SUGCT: variants seen among roughly 807,000 people sequenced by gnomAD.
The protein encoded by SUGCT is succinyl-CoA:glutarate CoA-transferase.
A neutral mutation model predicts 55.0 loss-of-function variants in SUGCT; 41 were observed. The ratio of observed to expected loss-of-function variants is 0.74; its 90% CI spans 0.58 to 0.97. The LOEUF (loss-of-function observed/expected upper bound fraction) is 0.97, where lower values mean the gene tolerates loss of function less well. Among genes scored for constraint, SUGCT ranks in the 50% least tolerant of loss-of-function variants. SUGCT has a pLI of 0.00. For missense variants in SUGCT, 568 were observed against 547.8 expected, an observed-to-expected ratio of 1.04 and a Z score of -0.37; for synonymous variants, 187 against 200.4, an observed-to-expected ratio of 0.93 and a Z score of 0.56.
At chr7:40,704,615 C>G (rs1328012094) in intron 12 of SUGCT, among the ~76,000 whole-genome samples, 1 of 152,084 alleles carries the variant, frequency 6.6e-6, no homozygotes, top group East Asian at 1.9e-4. Context: ...GCAATCTGTC[C>G]AAGGATGAGT....
intron 6 of SUGCT, among the ~76,000 whole-genome samples, chr7:40,211,441 C>G (rs1787329988): frequency 6.6e-6 from 1 of 152,186 alleles, no homozygotes; most frequent in Non-Finnish European, 1.5e-5. Context: ...TCTTGAACTC[C>G]TGGCCTCAAG....
chr7:40,157,474 ACT>A (rs1229243125), intron 1 of SUGCT, among the ~76,000 whole-genome samples: 2 of 152,082 alleles, frequency 1.3e-5, no homozygotes, highest in Non-Finnish European at 2.9e-5. Context: ...AGTAATAATA[ACT>A]CTGATCTCTG....
intron 12 of SUGCT, among the ~76,000 whole-genome samples, chr7:40,609,511 A>G (rs1404470623): frequency 6.6e-6 from 1 of 151,314 alleles, no homozygotes; most frequent in Non-Finnish European, 1.5e-5. Context: ...AGCTTACAGT[A>G]AGCAGATTGC....
At chr7:40,936,719 T>C in the SUGCT span, among the ~76,000 whole-genome samples, 7 of 152,142 alleles carry the variant, frequency 4.6e-5, no homozygotes, top group Non-Finnish European at 7.4e-5. Flanking sequence ...TCTTTTTCTA[T>C]ATAAGCTTTC....
At chr7:40,829,602 A>G (rs1304237191) in intron 13 of SUGCT, among the ~76,000 whole-genome samples, 6 of 152,218 alleles carry the variant, frequency 3.9e-5, no homozygotes, top group African/African-American at 1.2e-4. Flanking sequence ...AAAAAAAAGG[A>G]CACAAAGAAT....
At chr7:40,204,026 T>G (rs566394683) in intron 6 of SUGCT, among the ~76,000 whole-genome samples, 57 of 152,180 alleles carry the variant, frequency 3.7e-4, no homozygotes, top group South Asian at 3.5e-3. Flanking sequence ...TCTCACTTAG[T>G]CACCTAGGCT....
intron 7 of SUGCT, among the ~76,000 whole-genome samples, chr7:40,268,830 G>A (rs1791793547): frequency 6.6e-6 from 1 of 151,992 alleles, no homozygotes; most frequent in South Asian, 2.1e-4. Flanking sequence ...GGGGAGATGG[G>A]GTTTCACCAT....
intron 13 of SUGCT, among the ~76,000 whole-genome samples, chr7:40,842,828 A>G (rs1793343866): frequency 6.6e-6 from 1 of 152,204 alleles, no homozygotes; most frequent in Admixed American, 6.5e-5. Flanking sequence ...AAGTTGCACA[A>G]TTCTGTAAAG....
chr7:40,837,373 G>A (rs572439852), intron 13 of SUGCT, among the ~76,000 whole-genome samples: 59 of 152,174 alleles, frequency 3.9e-4, no homozygotes, highest in African/African-American at 1.3e-3. Context: ...CTTCAAATTT[G>A]TAGCTTGTCT....
At chr7:40,579,263 C>T (rs932366362) in intron 12 of SUGCT, among the ~76,000 whole-genome samples, 1 of 152,196 alleles carries the variant, frequency 6.6e-6, no homozygotes, top group African/African-American at 2.4e-5. Flanking sequence ...TTACCAGCAT[C>T]ATGTTTCCAT....
At chr7:40,640,722 G>A (rs187641339) in intron 12 of SUGCT, among the ~76,000 whole-genome samples, 41 of 152,246 alleles carry the variant, frequency 2.7e-4, no homozygotes, top group Middle Eastern at 3.4e-3. Context: ...AAGTAGTACC[G>A]AAACTGTTTT....
chr7:40,733,417 A>C (rs1384749413), intron 12 of SUGCT, among the ~76,000 whole-genome samples: 1 of 152,176 alleles, frequency 6.6e-6, no homozygotes, highest in Admixed American at 6.5e-5. Context: ...GCCTAGAGCA[A>C]ACATGCATCT....
chr7:40,142,395 C>T (rs1788034138), intron 1 of SUGCT, among the ~76,000 whole-genome samples: 2 of 152,154 alleles, frequency 1.3e-5, no homozygotes, highest in Non-Finnish European at 2.9e-5. Flanking sequence ...ACTTCTTTAA[C>T]ATGTCTTGGC....
chr7:40,255,610 G>A (rs894536103), intron 7 of SUGCT, among the ~76,000 whole-genome samples: 3 of 130,380 alleles, frequency 2.3e-5, no homozygotes, highest in Middle Eastern at 0.01. Context: ...GCAGTGAGCC[G>A]AGATCACGCC....
chr7:40,926,677 A>G, the SUGCT span, among the ~76,000 whole-genome samples: 2 of 152,168 alleles, frequency 1.3e-5, no homozygotes, highest in Non-Finnish European at 2.9e-5. Flanking sequence ...TGTCTCTACC[A>G]TGTGAACAAA....
intron 9 of SUGCT, among the ~76,000 whole-genome samples, chr7:40,443,762 A>G (rs972901335): frequency 1.3e-5 from 2 of 152,100 alleles, no homozygotes; most frequent in East Asian, 1.9e-4. Flanking sequence ...TTTTGTTGCC[A>G]TTGCTTTTAA....
the SUGCT span, among the ~76,000 whole-genome samples, chr7:40,898,723 C>G: frequency 6.6e-6 from 1 of 151,898 alleles, no homozygotes; most frequent in Non-Finnish European, 1.5e-5. Context: ...ACACTTACCA[C>G]GAGGGTACGC....
intron 13 of SUGCT, among the ~76,000 whole-genome samples, chr7:40,762,079 C>T (rs1338017160): frequency 6.6e-6 from 1 of 152,136 alleles, no homozygotes; most frequent in African/African-American, 2.4e-5. Flanking sequence ...CTTCATTTGA[C>T]AAGGAAAGGC....
intron 8 of SUGCT, among the ~76,000 whole-genome samples, chr7:40,281,506 A>G (rs1792949040): frequency 6.6e-6 from 1 of 152,198 alleles, no homozygotes; most frequent in South Asian, 2.1e-4. Context: ...GTTGAGGTAC[A>G]TTCCTTCTAT....
Sources: allele counts gnomAD v4.1 joint callset (sites outside exome capture counted in the v4.1 genomes callset), GRCh38; gene constraint gnomAD v4.1.1; transcripts MANE v1.5; gene names NCBI Gene and HGNC (gene_info 2026-07-23, HGNC 2026-07-21).